SUCO: variants seen among roughly 807,000 people sequenced by gnomAD.
SUCO encodes the protein SUN domain containing ossification factor.
In SUCO, 57 loss-of-function variants were observed where a neutral mutation model predicts 148.1. The observed-to-expected ratio is 0.38, with a 90% CI of 0.31 to 0.48. The LOEUF (loss-of-function observed/expected upper bound fraction) is 0.48, where lower values mean the gene tolerates loss of function less well. Ranked by LOEUF, SUCO falls within the 20% of genes least tolerant of loss-of-function variation. The probability of loss-of-function intolerance (pLI) is 0.96; values close to 1 mark genes in which losing one functional copy is unlikely to be tolerated. For missense variants in SUCO, 1,331 were observed against 1,468.2 expected, an observed-to-expected ratio of 0.91 and a Z score of 1.53; for synonymous variants, 470 against 502.7, an observed-to-expected ratio of 0.93 and a Z score of 0.87.
intron 15 of SUCO, among the ~76,000 whole-genome samples, chr1:172,580,907 G>A (rs909060384): frequency 6.6e-6 from 1 of 152,218 alleles, no homozygotes; most frequent in Admixed American, 6.5e-5. Context: ...TTTGAGACCA[G>A]CCTGGCCAAC....
rs543587791 is a variant in SUCO at position 172,534,060 on chromosome 1, T to C, written c.62+563T>C. ...GGGGGGCGTGTGTGTATGTGTGTTA[T>C]GAAGCACTTTTTCAATTGGTTTGGT... is the stretch of plus-strand genomic sequence containing the variant. On this transcript the variant is annotated intron_variant, in intron 1 of 23. Coordinates refer to ENST00000263688, the MANE Select transcript of SUCO (RefSeq NM_014283.5). Among the ~76,000 whole-genome samples, 509 of 152,302 alleles carry C rather than the reference T, an allele frequency of 3.3e-3. 5 individuals are homozygous for C. Among genetic ancestry groups the C allele is most frequent in the African/African-American group, 0.012 (492 of 41,558 alleles).
At chr1:172,578,207 G>T in intron 13 of SUCO, 91 bp from the exon 14 acceptor site, 1 of 1,002,526 alleles carries the variant, frequency 1.0e-6, no homozygotes, top group South Asian at 1.4e-5. Context: ...CTCAAAATAT[G>T]ACCAAAGTTG....
At chr1:172,593,665 G>C (rs1656844344) in intron 19 of SUCO, among the ~76,000 whole-genome samples, 1 of 152,182 alleles carries the variant, frequency 6.6e-6, no homozygotes, top group Non-Finnish European at 1.5e-5. Context: ...TGTGCTGCTG[G>C]ATTCGGTTTG....
intron 11 of SUCO, among the ~76,000 whole-genome samples, chr1:172,576,644 T>G (rs1655461977): frequency 6.6e-6 from 1 of 151,710 alleles, no homozygotes; most frequent in Non-Finnish European, 1.5e-5. Context: ...ATTTGCTAGG[T>G]GATAAAATCG....
intron 3 of SUCO, among the ~76,000 whole-genome samples, chr1:172,554,416 A>C (rs1653566041): frequency 2.6e-5 from 4 of 152,220 alleles, no homozygotes; most frequent in Admixed American, 2.6e-4. Flanking sequence ...AAGCACTTGA[A>C]ATGCGGCTAG....
At chr1:172,562,350 T>C (rs1654232352) in intron 6 of SUCO, among the ~76,000 whole-genome samples, 1 of 146,304 alleles carries the variant, frequency 6.8e-6, no homozygotes, top group African/African-American at 2.5e-5. Flanking sequence ...TTTTTTTTAT[T>C]TTGAGATGGA....
chr1:172,567,182 A>G (rs1654613963), intron 6 of SUCO, among the ~76,000 whole-genome samples: 2 of 152,236 alleles, frequency 1.3e-5, no homozygotes, highest in African/African-American at 2.4e-5. Flanking sequence ...TTAGTGCTCA[A>G]AAGCATGCTC....
chr1:172,596,956 G>T (rs1283249523), intron 19 of SUCO, among the ~76,000 whole-genome samples: 1 of 152,224 alleles, frequency 6.6e-6, no homozygotes, highest in South Asian at 2.1e-4. Flanking sequence ...CTTCCTGGCT[G>T]CTTTGTTTAC....
chr1:172,555,345 G>A, intron 3 of SUCO: 1 of 981,470 alleles, frequency 1.0e-6, no homozygotes, highest in Non-Finnish European at 1.2e-6. Flanking sequence ...AATATGAACA[G>A]GTGTTAGGTA....
At chr1:172,537,086 T>C (rs967130508) in intron 1 of SUCO, among the ~76,000 whole-genome samples, 1 of 152,044 alleles carries the variant, frequency 6.6e-6, no homozygotes, top group African/African-American at 2.4e-5. Context: ...ACTCCCTCAG[T>C]CCTGGGCAAA....
At chr1:172,602,245 T>G in intron 21 of SUCO, 27 bp downstream of exon 21, 1 of 1,540,772 alleles carries the variant, frequency 6.5e-7, no homozygotes, top group Non-Finnish European at 8.8e-7. Context: ...ATTTCACAAT[T>G]TTATTTTTTT....
chr1:172,555,235 G>A (rs1283361201), intron 3 of SUCO: 3 of 178,642 alleles, frequency 1.7e-5, no homozygotes, highest in Non-Finnish European at 3.2e-5. Flanking sequence ...TAGATGCAGT[G>A]ATAAAAGTGT....
intron 1 of SUCO, 58 bp downstream of exon 1, chr1:172,533,555 C>G: frequency 6.8e-7 from 1 of 1,469,510 alleles, no homozygotes; most frequent in Non-Finnish European, 9.1e-7. Context: ...GAGGGAGCAG[C>G]CCAGGTCACA....
At chr1:172,577,729 G>A (rs1286467760) in intron 12 of SUCO, 35 bp from the exon 13 acceptor site, 12 of 1,603,278 alleles carry the variant, frequency 7.5e-6, no homozygotes, top group Admixed American at 1.7e-5. Flanking sequence ...CATGCTCTCT[G>A]CTGGCTTCCC....
intron 19 of SUCO, among the ~76,000 whole-genome samples, chr1:172,597,666 C>T (rs868855581): frequency 1.3e-5 from 2 of 151,978 alleles, no homozygotes; most frequent in East Asian, 1.9e-4. Context: ...TAATTATGAC[C>T]GTTCCCCTAT....
intron 19 of SUCO, among the ~76,000 whole-genome samples, chr1:172,592,158 C>T (rs566753448): frequency 7.3e-5 from 11 of 151,496 alleles, no homozygotes; most frequent in Admixed American, 4.0e-4. Flanking sequence ...TTCAGTTCTT[C>T]GTAGATTCTG....
At position 172,556,042 on chromosome 1, in the gene SUCO, C is replaced by A. The variant is rs1386399309; in HGVS notation, c.443+19C>A. ...AGCTTGAGTAAGTTGTTACAAAAAA[C>A]AAACACAAAAAAGAATCTCCTTAGT... On this transcript the variant is annotated intron_variant, in intron 4 of 23. Transcript: ENST00000263688. 3.8e-6 allele frequency: 6 copies of A among 1,585,300 alleles called. No homozygotes were observed. Among genetic ancestry groups the A allele is most frequent in the African/African-American group, 1.4e-5 (1 of 73,772 alleles).
intron 1 of SUCO, among the ~76,000 whole-genome samples, chr1:172,534,381 G>A (rs932645035): frequency 1.3e-5 from 2 of 152,034 alleles, no homozygotes; most frequent in African/African-American, 4.8e-5. Flanking sequence ...TTCAGTCTAG[G>A]CGATTTGCTG....
chr1:172,605,970 A>T lies in SUCO; in HGVS notation c.3266-2777A>T, dbSNP rs777957323. ...ATTTTTTATTCTGTATTTTGTCATT[A>T]TGTGTTACCTATTGTCATAGGTATT... On this transcript the variant is annotated intron_variant, in intron 22 of 23. Coordinates refer to ENST00000263688, the MANE Select transcript of SUCO (RefSeq NM_014283.5). 2.0e-5 allele frequency among the ~76,000 whole-genome samples: 3 copies of T among 151,530 alleles called. No homozygotes were observed. In the East Asian group the frequency reaches 5.8e-4, roughly 29 times the overall value.
Sources: allele counts gnomAD v4.1 joint callset (sites outside exome capture counted in the v4.1 genomes callset), GRCh38; gene constraint gnomAD v4.1.1; transcripts MANE v1.5; gene names NCBI Gene and HGNC (gene_info 2026-07-23, HGNC 2026-07-21).